Variants in ANKS1B observed in about 807,000 individuals in gnomAD.
ANKS1B encodes the protein ankyrin repeat and sterile alpha motif domain containing 1B.
Under a neutral mutation model 148.3 loss-of-function variants are expected in ANKS1B, and 36 were observed. The observed-to-expected ratio is 0.24, with a 90% confidence interval of 0.19 to 0.32. ANKS1B has a LOEUF of 0.32. ANKS1B is among the 10% of genes least tolerant of loss of function. The pLI is 1.00. For missense variants in ANKS1B, 1,157 were observed against 1,542.6 expected, an observed-to-expected ratio of 0.75 and a Z score of 4.19; for synonymous variants, 542 against 560.8, an observed-to-expected ratio of 0.97 and a Z score of 0.47.
At chr12:99,503,611 C>A (rs1400010054) in intron 10 of ANKS1B, among the ~76,000 whole-genome samples, 5 of 152,122 alleles carry the variant, frequency 3.3e-5, no homozygotes, top group Non-Finnish European at 5.9e-5. Context: ...ACCTCTTCTT[C>A]TAATCTCCTT....
chr12:99,441,086 T>G (rs1177364638), intron 11 of ANKS1B, among the ~76,000 whole-genome samples: 1 of 152,052 alleles, frequency 6.6e-6, no homozygotes, highest in East Asian at 1.9e-4. Context: ...TAATTTTTAA[T>G]AAATAAATTT....
chr12:98,946,761 C>T (rs1419404541), intron 17 of ANKS1B, among the ~76,000 whole-genome samples: 1 of 151,102 alleles, frequency 6.6e-6, no homozygotes, highest in Non-Finnish European at 1.5e-5. Flanking sequence ...CATAGCGATA[C>T]CTTATCTCTA....
Position 98,745,396 on chromosome 12 carries a change from T to C in ANKS1B, c.*343A>G. On this transcript the variant is annotated 3_prime_UTR_variant, in exon 27 of 27. Coordinates refer to ENST00000683438, the MANE Select transcript of ANKS1B (RefSeq NM_001352186.2). ...TTTACTTTTTTTTTTTTTTTTTTTT[T>C]TTTAAAGAAAAGGTATTATTTTCCC... 1 of 978,286 alleles carries C rather than the reference T, an allele frequency of 1.0e-6. No homozygotes were observed. Among genetic ancestry groups the C allele is most frequent in the Middle Eastern group, 5.3e-4 (1 of 1,902 alleles). 60.6% of individuals were successfully genotyped at this position (978,286 alleles called of 1,614,324 possible).
At chr12:99,039,767 G>A (rs2099957770) in intron 17 of ANKS1B, among the ~76,000 whole-genome samples, 1 of 152,200 alleles carries the variant, frequency 6.6e-6, no homozygotes, top group Non-Finnish European at 1.5e-5. Context: ...GTATACATGT[G>A]CCATGCTGGT....
intron 4 of ANKS1B, among the ~76,000 whole-genome samples, chr12:99,794,370 C>A (rs1379345488): frequency 2.0e-5 from 3 of 151,814 alleles, no homozygotes; most frequent in Admixed American, 1.3e-4. Context: ...TATTTACAAT[C>A]TCATGTTTGT....
chr12:99,606,934 C>T (rs1187944114), intron 9 of ANKS1B, among the ~76,000 whole-genome samples: 1 of 152,086 alleles, frequency 6.6e-6, no homozygotes, highest in Non-Finnish European at 1.5e-5. Flanking sequence ...ATTGTTCACC[C>T]CAGCCATCCT....
intron 17 of ANKS1B, among the ~76,000 whole-genome samples, chr12:99,050,900 A>G (rs1356970441): frequency 6.7e-6 from 1 of 150,104 alleles, no homozygotes; most frequent in African/African-American, 2.5e-5. Context: ...GGGTTTCACC[A>G]TGTTAGCCAG....
At chr12:99,738,153 T>C (rs1283159992) in intron 8 of ANKS1B, among the ~76,000 whole-genome samples, 1 of 152,210 alleles carries the variant, frequency 6.6e-6, no homozygotes, top group Non-Finnish European at 1.5e-5. Flanking sequence ...CCCAGTATCA[T>C]ATAGGTAGAA....
intron 14 of ANKS1B, among the ~76,000 whole-genome samples, chr12:99,214,668 T>C (rs991824881): frequency 2.0e-5 from 3 of 152,158 alleles, no homozygotes; most frequent in East Asian, 1.9e-4. Flanking sequence ...AATGGGCTAA[T>C]AAGAGTAAAC....
At chr12:98,754,559 G>A (rs965185864) in intron 25 of ANKS1B, among the ~76,000 whole-genome samples, 1 of 152,226 alleles carries the variant, frequency 6.6e-6, no homozygotes, top group Non-Finnish European at 1.5e-5. Flanking sequence ...TAAGATGAAG[G>A]TGTGAGATTC....
At chr12:99,658,758 T>C (rs905835639) in intron 8 of ANKS1B, among the ~76,000 whole-genome samples, 1 of 152,144 alleles carries the variant, frequency 6.6e-6, no homozygotes, top group Non-Finnish European at 1.5e-5. Flanking sequence ...TGACAGAGAC[T>C]GGCACATAAA....
chr12:99,586,242 A>C (rs1003935385), intron 9 of ANKS1B, among the ~76,000 whole-genome samples: 2 of 152,082 alleles, frequency 1.3e-5, no homozygotes, highest in African/African-American at 2.4e-5. Flanking sequence ...GATACCCTAA[A>C]TCATCTCTCT....
intron 15 of ANKS1B, among the ~76,000 whole-genome samples, chr12:99,136,449 G>C (rs1433017260): frequency 6.6e-6 from 1 of 152,166 alleles, no homozygotes; most frequent in Non-Finnish European, 1.5e-5. Flanking sequence ...TTGCCATGGA[G>C]TAAAAACTAA....
intron 4 of ANKS1B, among the ~76,000 whole-genome samples, chr12:99,784,687 C>T (rs1320380691): frequency 2.6e-5 from 4 of 152,146 alleles, no homozygotes; most frequent in Non-Finnish European, 4.4e-5. Context: ...CTGATTCAGT[C>T]GCCTGAGATT....
chr12:99,196,755 C>A (rs577697350), intron 14 of ANKS1B, among the ~76,000 whole-genome samples: 112 of 152,066 alleles, frequency 7.4e-4, no homozygotes, highest in Non-Finnish European at 1.3e-3. Context: ...GGTATATCTC[C>A]TAAAGCTATC....
chr12:99,654,892 T>C (rs1251712861), intron 9 of ANKS1B, among the ~76,000 whole-genome samples, 175 bp downstream of exon 9: 13 of 152,208 alleles, frequency 8.5e-5, no homozygotes, highest in Non-Finnish European at 1.8e-4. Context: ...TATGTACACA[T>C]ATGCACACCA....
chr12:99,082,082 C>A (rs960836035), intron 16 of ANKS1B, among the ~76,000 whole-genome samples: 3 of 152,088 alleles, frequency 2.0e-5, no homozygotes, highest in Non-Finnish European at 4.4e-5. Context: ...TCTCATACCA[C>A]AAGTATTACT....
intron 8 of ANKS1B, among the ~76,000 whole-genome samples, chr12:99,719,828 A>G (rs2057879885): frequency 6.6e-6 from 1 of 152,192 alleles, no homozygotes; most frequent in Non-Finnish European, 1.5e-5. Context: ...ATCAGATCCC[A>G]TCGCTCAGGA....
At chr12:99,097,244 G>A (rs1157268166) in intron 15 of ANKS1B, 1 of 152,108 alleles carries the variant, frequency 6.6e-6, no homozygotes, top group Non-Finnish European at 1.5e-5. Context: ...TGCCTGATGT[G>A]TTTTTCCCCC....
Sources: allele counts gnomAD v4.1 joint callset (sites outside exome capture counted in the v4.1 genomes callset), GRCh38; gene constraint gnomAD v4.1.1; transcripts MANE v1.5; gene names NCBI Gene and HGNC (gene_info 2026-07-23, HGNC 2026-07-21).